Variants in STYXL2 observed in about 807,000 individuals in gnomAD.
The protein encoded by STYXL2 is serine/threonine/tyrosine-interacting-like protein 2.
STYXL2 carries 44 observed loss-of-function variants against 52.4 expected under a neutral mutation model. That is an observed-to-expected ratio of 0.84 (90% CI 0.66 to 1.08). The LOEUF is 1.08. Among genes scored for constraint, STYXL2 ranks in the 50% least tolerant of loss-of-function variants. STYXL2 has a pLI of 0.00. For synonymous variants in STYXL2, 604 were observed against 586.9 expected (o/e 1.03, Z -0.42); for missense variants, 1,604 against 1,471.7 (o/e 1.09, Z -1.47).
intron 2 of STYXL2, among the ~76,000 whole-genome samples, chr1:167,101,966 A>G (rs1667412060): frequency 2.0e-5 from 3 of 152,250 alleles, no homozygotes; most frequent in African/African-American, 7.2e-5. Flanking sequence ...CTATACAGCA[A>G]CGAAAAGAAA....
At chr1:167,112,551 A>G (rs1667641413) in intron 2 of STYXL2, among the ~76,000 whole-genome samples, 1 of 152,176 alleles carries the variant, frequency 6.6e-6, no homozygotes, top group Admixed American at 6.5e-5. Context: ...CTTACCTGTC[A>G]AAGTCTGCAT....
Position 167,126,450 on chromosome 1 carries a change from G to C in STYXL2, c.1319G>C (p.Trp440Ser). The change falls in exon 6 of 6, where the codon TGG becomes TCG. Residue 440 changes from tryptophan (W) to serine (S), a missense_variant. Trp to Ser is a radical substitution (Grantham distance 177, BLOSUM62 -3). Coordinates refer to ENST00000361200, the MANE Select transcript of STYXL2 (RefSeq NM_001080426.3). ...RRRTLSESSA[W>S]ESVSSHDIWV... ...CGCACCCTGAGCGAGAGCAGCGCCT[G>C]GGAGAGCGTGAGCAGCCACGACATC... 1 of 1,583,338 alleles carries C rather than the reference G, an allele frequency of 6.3e-7. No homozygotes were observed. The highest frequency in any genetic ancestry group is 8.6e-7 in the Non-Finnish European group (1 of 1,165,284).
chr1:167,126,277 G>A lies in STYXL2; in HGVS notation c.1146G>A (p.Glu382=), dbSNP rs780524685. Residue 382 remains glutamate (E), a synonymous_variant, in exon 6 of 6, where the codon GAG becomes GAA. Coordinates refer to ENST00000361200, the MANE Select transcript of STYXL2 (RefSeq NM_001080426.3). ...WRSASSGQGG[E]ELEDEDVERI... is the part of the protein sequence containing the mutation. ...CAGCCTCCTCTGGCCAGGGTGGGGA[G>A]GAGCTCGAGGACGAGGACGTGGAGA... 2.6e-6 allele frequency: 4 copies of A among 1,537,404 alleles called. No individual in the cohort carries two copies. The highest frequency in any genetic ancestry group is 2.5e-5 in the South Asian group (2 of 79,144).
rs768406505 is a variant in STYXL2, at chr1:167,094,913, G to C, written c.64G>C (p.Val22Leu). ...VVPSEEDEAN[V>L]RAVQAHYLRS... ...CCCAAGCGAGGAGGACGAAGCCAAC[G>C]TGAGGGCGGTGCAGGCCCACTACCT... The change falls in exon 2 of 6, where the codon GTG becomes CTG. Residue 22 changes from valine (V) to leucine (L), a missense_variant. Physicochemically the swap from Val to Leu is conservative, Grantham distance 32. Coordinates refer to ENST00000361200, the MANE Select transcript of STYXL2 (RefSeq NM_001080426.3). 6.2e-7 allele frequency: 1 copy of C among 1,612,372 alleles called. No homozygotes were observed. The highest frequency in any genetic ancestry group is 1.1e-5 in the South Asian group (1 of 90,444).
chr1:167,107,672 A>C (rs995276232), intron 2 of STYXL2, among the ~76,000 whole-genome samples: 17 of 152,238 alleles, frequency 1.1e-4, no homozygotes, highest in Admixed American at 5.2e-4. Context: ...TATCTATGAA[A>C]CATTTACTGT....
In STYXL2 at chr1:167,113,704, C is replaced by T. The variant is rs368967226; in HGVS notation, c.111-6C>T. On this transcript the variant is annotated splice_polypyrimidine_tract_variant and splice_region_variant and intron_variant, in intron 2 of 5. Transcript: ENST00000361200. ...CTTATCTCACGTGAATATCCTCTTC[C>T]CTTAGGTATTCGATGGTCTCAGATG... is the stretch of plus-strand genomic sequence containing the variant. The T allele has an allele frequency of 1.3e-4, 201 of 1,605,354 alleles. 1 individual carries two copies. The highest frequency in any genetic ancestry group is 1.4e-4 in the Non-Finnish European group (165 of 1,172,156).
At chr1:167,110,870 C>T (rs1667603166) in intron 2 of STYXL2, among the ~76,000 whole-genome samples, 1 of 152,210 alleles carries the variant, frequency 6.6e-6, no homozygotes, top group Non-Finnish European at 1.5e-5. Flanking sequence ...CTTGTAGAAA[C>T]TTTATTATAA....
chr1:167,125,805 G>A lies in STYXL2; in HGVS notation c.674G>A (p.Ser225Asn), dbSNP rs761202049. ...LTYRGKVLVS[S>N]EMGISRSAVL... ...ATTTCAGGGAAAGTCCTGGTCAGCAGCGAAATGGGCATCAGCCGGTCAGCA... is the reference window on the plus strand; with the variant it reads ...ATTTCAGGGAAAGTCCTGGTCAGCAACGAAATGGGCATCAGCCGGTCAGCA... The change falls in exon 6 of 6, where the codon AGC becomes AAC. Residue 225 changes from serine to asparagine, a missense_variant. Transcript: ENST00000361200. The A allele has an allele frequency of 4.7e-5, 75 of 1,602,652 alleles. No homozygotes were observed. Among genetic ancestry groups the A allele is most frequent in the Non-Finnish European group, 2.5e-5 (29 of 1,174,582 alleles).
chr1:167,100,758 C>A (rs551340831), intron 2 of STYXL2, among the ~76,000 whole-genome samples: 4 of 152,186 alleles, frequency 2.6e-5, no homozygotes, highest in African/African-American at 9.7e-5. Flanking sequence ...GGTTTTAATG[C>A]GCTTCTTGGT....
intron 3 of STYXL2, among the ~76,000 whole-genome samples, chr1:167,116,942 G>T (rs1011603423): frequency 3.3e-5 from 5 of 152,162 alleles, no homozygotes; most frequent in Admixed American, 6.5e-5. Context: ...GAGCCACTAC[G>T]CCTGGCTGGT....
At position 167,128,051 on chromosome 1, in the gene STYXL2, A is replaced by G. The variant is rs758935677; in HGVS notation, c.2920A>G (p.Lys974Glu). The change falls in exon 6 of 6, where the codon AAA (lysine) becomes GAA (glutamate). Residue 974 changes from lysine to glutamate, a missense_variant. Lys to Glu is a moderately conservative substitution (Grantham distance 56). Coordinates refer to ENST00000361200, the MANE Select transcript of STYXL2 (RefSeq NM_001080426.3). The part of the protein sequence containing the change: ...RSSLLRETES[K>E]SSSYKFSKSQ... ...GTCCCTGCTCAGGGAGACAGAGTCT[A>G]AATCCTCCAGTTACAAGTTTTCCAA... The G allele has an allele frequency of 2.5e-6, 4 of 1,614,118 alleles. No individual in the cohort carries two copies. The African/African-American group carries it at 5.3e-5, about 22-fold the overall frequency.
At position 167,125,912 on chromosome 1, in the gene STYXL2, A is replaced by G; in HGVS notation, c.781A>G (p.Ile261Val). 1 of 1,614,124 alleles carries G rather than the reference A, an allele frequency of 6.2e-7. No homozygotes were observed. Among genetic ancestry groups the G allele is most frequent in the Non-Finnish European group, 8.5e-7 (1 of 1,180,020 alleles). ...GATGACCGTGCGTAAGAAGCGGGCCATCTACCCCAATGAGGGCTTCCTGAA... is the reference window on the plus strand; with the variant it reads ...GATGACCGTGCGTAAGAAGCGGGCCGTCTACCCCAATGAGGGCTTCCTGAA... The part of the protein sequence containing the change: ...ALMTVRKKRA[I>V]YPNEGFLKQL... Residue 261 changes from isoleucine to valine, a missense_variant, in exon 6 of 6, where the codon ATC becomes GTC. Transcript: ENST00000361200.
chr1:167,128,069 T>A lies in STYXL2; in HGVS notation c.2938T>A (p.Phe980Ile). ...ETESKSSSYK[F>I]SKSQSEEQDT... Reference sequence around the variant, plus strand: ...AGAGTCTAAATCCTCCAGTTACAAGTTTTCCAAATCCCAGTCAGAGGAACA... The same window carrying A: ...AGAGTCTAAATCCTCCAGTTACAAGATTTCCAAATCCCAGTCAGAGGAACA... Residue 980 changes from phenylalanine to isoleucine, a missense_variant, in exon 6 of 6, where the codon TTT becomes ATT. Physicochemically the swap from Phe to Ile is conservative, Grantham distance 21. Coordinates refer to ENST00000361200, the MANE Select transcript of STYXL2 (RefSeq NM_001080426.3). 1 of 1,614,020 alleles carries A rather than the reference T, an allele frequency of 6.2e-7. No individual in the cohort carries two copies. The highest frequency in any genetic ancestry group is 8.5e-7 in the Non-Finnish European group (1 of 1,179,994).
At position 167,126,002 on chromosome 1, in the gene STYXL2, G is replaced by C. The variant is rs201078029; in HGVS notation, c.871G>C (p.Gly291Arg). The C allele has an allele frequency of 2.0e-5, 33 of 1,610,080 alleles. No homozygotes were observed. Among genetic ancestry groups the C allele is most frequent in the South Asian group, 1.1e-5 (1 of 90,386 alleles). ...EREEDYGREG[G>R]SAEAEEGEGT... ...AGAAGAGGACTATGGCCGGGAGGGG[G>C]GATCAGCTGAGGCTGAGGAGGGCGA... The change falls in exon 6 of 6, where the codon GGA (glycine) becomes CGA (arginine). Residue 291 changes from glycine (G) to arginine (R), a missense_variant. Transcript: ENST00000361200.
intron 2 of STYXL2, among the ~76,000 whole-genome samples, chr1:167,112,869 A>G (rs2102234549): frequency 6.6e-6 from 1 of 152,312 alleles, no homozygotes; most frequent in East Asian, 1.9e-4. Context: ...GACCTATAGG[A>G]AAGACTAAGC....
chr1:167,121,070 G>A (rs1172651438), intron 5 of STYXL2, among the ~76,000 whole-genome samples: 2 of 148,872 alleles, frequency 1.3e-5, no homozygotes, highest in Non-Finnish European at 3.0e-5. Context: ...AGAGTGCAAT[G>A]GTGCCATCTA....
chr1:167,107,589 C>A (rs1224605721), intron 2 of STYXL2, among the ~76,000 whole-genome samples: 1 of 152,202 alleles, frequency 6.6e-6, no homozygotes, highest in Non-Finnish European at 1.5e-5. Flanking sequence ...GATCTTATTG[C>A]TGATTGTTGT....
At chr1:167,123,504 T>C (rs1667900869) in intron 5 of STYXL2, among the ~76,000 whole-genome samples, 2 of 152,194 alleles carry the variant, frequency 1.3e-5, no homozygotes, top group African/African-American at 4.8e-5. Context: ...CAGTATATGG[T>C]AGCCTGGTCA....
intron 3 of STYXL2, among the ~76,000 whole-genome samples, chr1:167,114,452 G>A (rs760331649): frequency 6.6e-6 from 1 of 152,190 alleles, no homozygotes. Flanking sequence ...GTGAGATGGG[G>A]TGGAGTGGGA....
Sources: gnomAD v4.1 joint callset for allele counts (sites outside exome capture counted in the v4.1 genomes callset) on GRCh38, gnomAD v4.1.1 for gene constraint, MANE v1.5 for transcripts, NCBI Gene and HGNC (gene_info 2026-07-23, HGNC 2026-07-21) for gene names.